The following PPP2CA variants were observed in gnomAD, a reference collection of about 807,000 sequenced individuals.
The protein encoded by PPP2CA is serine/threonine-protein phosphatase 2A catalytic subunit alpha isoform.
In PPP2CA, 5 loss-of-function variants were observed where a neutral mutation model predicts 38.8. That is an observed-to-expected ratio of 0.13 (90% CI 0.07 to 0.27). PPP2CA has a LOEUF of 0.27. PPP2CA is among the 10% of genes least tolerant of loss of function. The probability of loss-of-function intolerance (pLI) is 1.00; values close to 1 mark genes in which losing one functional copy is unlikely to be tolerated. For synonymous variants in PPP2CA, 152 were observed against 134.0 expected, an observed-to-expected ratio of 1.13 and a Z score of -0.93; for missense variants, 88 against 389.7, an observed-to-expected ratio of 0.23 and a Z score of 6.52.
chr5:134,222,270 T>C (rs1024496121), intron 1 of PPP2CA, among the ~76,000 whole-genome samples: 1 of 152,150 alleles, frequency 6.6e-6, no homozygotes, highest in Non-Finnish European at 1.5e-5. Flanking sequence ...CTGCTTGTCC[T>C]CAATATTCAA....
chr5:134,202,143 A>C (rs1264265455), intron 2 of PPP2CA, 122 bp from the exon 3 acceptor site: 3 of 961,722 alleles, frequency 3.1e-6, no homozygotes, highest in East Asian at 2.8e-5. Context: ...ACACATCCTC[A>C]TATCATAGTG....
chr5:134,217,592 GAT>G (rs1261125894), intron 1 of PPP2CA, among the ~76,000 whole-genome samples: 1 of 152,134 alleles, frequency 6.6e-6, no homozygotes, highest in Non-Finnish European at 1.5e-5. Flanking sequence ...CGGTTGGTTT[GAT>G]ATGTCATTTT....
rs1480724816 is a variant in PPP2CA at position 134,195,094 on chromosome 5, G to T, written c.*2678C>A. On this transcript the variant is annotated 3_prime_UTR_variant, in exon 7 of 7. Coordinates refer to ENST00000481195, the MANE Select transcript of PPP2CA (RefSeq NM_002715.4). The stretch of plus-strand genomic sequence containing the variant: ...CTAATATTGACAAACTTCTATTTAA[G>T]AAATACCGACTACAACCAACAAATG... 6.6e-6 allele frequency: 1 copy of T among 152,108 alleles called. No individual in the cohort carries two copies. The highest frequency in any genetic ancestry group is 1.9e-4 in the East Asian group (1 of 5,198). The allele number at this position is 152,108 out of a possible 1,614,324, so 9.4% of individuals were successfully genotyped here.
intron 3 of PPP2CA, 63 bp from the exon 4 acceptor site, chr5:134,201,137 C>T: frequency 7.9e-7 from 1 of 1,268,718 alleles, no homozygotes; most frequent in South Asian, 1.2e-5. Flanking sequence ...CTTGGCTGGG[C>T]ACAGTGGCTC....
At chr5:134,200,626 G>T in intron 4 of PPP2CA, 130 bp from the exon 5 acceptor site, 1 of 1,017,892 alleles carries the variant, frequency 9.8e-7, no homozygotes, top group Non-Finnish European at 1.4e-6. Context: ...CTAATAGACT[G>T]TGCAGTTGAA....
Position 134,197,953 on chromosome 5 carries a change from C to T in PPP2CA, c.858-109G>A, listed in dbSNP as rs1324500853. On this transcript the variant is annotated intron_variant, in intron 6 of 6. Coordinates refer to ENST00000481195, the MANE Select transcript of PPP2CA (RefSeq NM_002715.4). ...CTTTACACTTCCTATTCAATTTTGG[C>T]TTGTCTTAATGTAACAGAACCTTAA... 31 of 923,916 alleles carry T rather than the reference C, an allele frequency of 3.4e-5. No individual in the cohort carries two copies. In the Admixed American group the frequency reaches 5.5e-4, roughly 17 times the overall value. The allele number at this position is 923,916 out of a possible 1,614,324, so 57.2% of individuals were successfully genotyped here.
chr5:134,223,139 G>A lies in PPP2CA; in HGVS notation c.102+2621C>T, dbSNP rs984450205. 2.0e-5 allele frequency among the ~76,000 whole-genome samples: 3 copies of A among 152,084 alleles called. No individual in the cohort carries two copies. In the South Asian group the frequency reaches 6.2e-4, roughly 32 times the overall value. On this transcript the variant is annotated intron_variant, in intron 1 of 6. Coordinates refer to ENST00000481195, the MANE Select transcript of PPP2CA (RefSeq NM_002715.4). ...TACATTATCATTCCTTCTTATGATT[G>A]AAGAAATTATCAACTATTAACAAGT...
At chr5:134,198,989 G>C (rs1761918393) in intron 6 of PPP2CA, 97 bp downstream of exon 6, 18 of 957,840 alleles carry the variant, frequency 1.9e-5, no homozygotes, top group Non-Finnish European at 3.0e-5. Flanking sequence ...TTCGAGACAA[G>C]ACTGGGCAAT....
At chr5:134,200,190 C>T (rs534480098) in intron 5 of PPP2CA, 145 bp downstream of exon 5, 2 of 819,290 alleles carry the variant, frequency 2.4e-6, no homozygotes, top group East Asian at 6.0e-5. Flanking sequence ...TGTGCATCTA[C>T]TGAAAAGGCT....
At chr5:134,201,796 A>T (rs892139698) in intron 3 of PPP2CA, 52 bp downstream of exon 3, 1 of 1,574,120 alleles carries the variant, frequency 6.4e-7, no homozygotes. Context: ...CCTGAACACT[A>T]AAGAAAGCAG....
intron 1 of PPP2CA, among the ~76,000 whole-genome samples, chr5:134,206,691 G>A (rs1580641547): frequency 1.3e-5 from 2 of 152,112 alleles, no homozygotes; most frequent in East Asian, 1.9e-4. Context: ...GGGGTCTCAC[G>A]TGATCCTCCA....
chr5:134,212,063 G>A (rs1048004805), intron 1 of PPP2CA, among the ~76,000 whole-genome samples: 2 of 152,130 alleles, frequency 1.3e-5, no homozygotes, highest in Non-Finnish European at 2.9e-5. Flanking sequence ...AGGTTGCAGT[G>A]AGCGGAGACC....
At chr5:134,211,178 T>C (rs1389486039) in intron 1 of PPP2CA, among the ~76,000 whole-genome samples, 1 of 151,932 alleles carries the variant, frequency 6.6e-6, no homozygotes, top group East Asian at 1.9e-4. Flanking sequence ...GCAGCCTTGA[T>C]CTCCCAAGCT....
intron 1 of PPP2CA, among the ~76,000 whole-genome samples, chr5:134,218,673 T>TC (rs1021480071): frequency 2.6e-5 from 4 of 151,234 alleles, no homozygotes; most frequent in African/African-American, 9.7e-5. Context: ...TTCTTTCTTT[T>TC]TTTTTTTTTT....
intron 1 of PPP2CA, among the ~76,000 whole-genome samples, chr5:134,209,604 AC>A (rs1349252546): frequency 6.6e-6 from 1 of 151,424 alleles, no homozygotes; most frequent in Non-Finnish European, 1.5e-5. Flanking sequence ...ACATGGTAAA[AC>A]CCCGTCTCTA....
intron 1 of PPP2CA, among the ~76,000 whole-genome samples, chr5:134,206,680 C>T (rs540393009): frequency 2.3e-4 from 35 of 152,228 alleles, no homozygotes; most frequent in Non-Finnish European, 1.6e-4. Context: ...TTTGTAGAGA[C>T]GGGGTCTCAC....
chr5:134,200,937 A>ACTCC, intron 4 of PPP2CA, 48 bp downstream of exon 4: 3 of 1,416,734 alleles, frequency 2.1e-6, no homozygotes, highest in Non-Finnish European at 3.0e-6. Flanking sequence ...AAACTTCTCC[A>ACTCC]CTCCCTAATA....
intron 2 of PPP2CA, among the ~76,000 whole-genome samples, chr5:134,203,303 T>C (rs937332953): frequency 2.0e-5 from 3 of 152,244 alleles, no homozygotes; most frequent in African/African-American, 7.2e-5. Flanking sequence ...AGTTCTATGA[T>C]ACATTCTGAT....
At chr5:134,215,321 G>T (rs1762293316) in intron 1 of PPP2CA, among the ~76,000 whole-genome samples, 2 of 152,074 alleles carry the variant, frequency 1.3e-5, no homozygotes, top group African/African-American at 4.8e-5. Flanking sequence ...TGTAATCCCA[G>T]CACTTCGGGA....
Sources: gnomAD v4.1 joint callset for allele counts (sites outside exome capture counted in the v4.1 genomes callset) on GRCh38, gnomAD v4.1.1 for gene constraint, MANE v1.5 for transcripts, NCBI Gene and HGNC (gene_info 2026-07-23, HGNC 2026-07-21) for gene names.